The following CFAP44 variants were observed in gnomAD, a reference collection of about 807,000 sequenced individuals.
CFAP44 encodes cilia- and flagella-associated protein 44.
In CFAP44, 134 loss-of-function variants were observed where a neutral mutation model predicts 216.2. The ratio of observed to expected loss-of-function variants is 0.62; its 90% CI spans 0.54 to 0.72. CFAP44 has a LOEUF of 0.72. Ranked by LOEUF, CFAP44 falls within the 30% of genes least tolerant of loss-of-function variation. The probability of loss-of-function intolerance (pLI) is 0.00; values close to 1 mark genes in which losing one functional copy is unlikely to be tolerated. For synonymous variants in CFAP44, 700 were observed against 727.6 expected (o/e 0.96, Z 0.61); for missense variants, 2,035 against 2,182.1 (o/e 0.93, Z 1.34).
intron 21 of CFAP44, chr3:113,362,870 G>T: frequency 1.7e-6 from 2 of 1,174,964 alleles, no homozygotes; most frequent in Non-Finnish European, 2.1e-6. Context: ...GAACTCTTGG[G>T]TTCTACTTTA....
intron 33 of CFAP44, among the ~76,000 whole-genome samples, chr3:113,295,994 C>G (rs1370270532): frequency 6.6e-6 from 1 of 152,142 alleles, no homozygotes; most frequent in Non-Finnish European, 1.5e-5. Context: ...TTCTAGCAGA[C>G]CCATCACCAG....
At chr3:113,439,985 T>C (rs1935323866) in intron 1 of CFAP44, among the ~76,000 whole-genome samples, 1 of 152,204 alleles carries the variant, frequency 6.6e-6, no homozygotes, top group African/African-American at 2.4e-5. Context: ...ATGTGTCAAG[T>C]ACAGTTCTAA....
intron 28 of CFAP44, among the ~76,000 whole-genome samples, chr3:113,322,592 G>C: frequency 6.6e-6 from 1 of 152,144 alleles, no homozygotes; most frequent in Non-Finnish European, 1.5e-5. Flanking sequence ...AAAGAGGCTG[G>C]TGAGGCTATG....
intron 18 of CFAP44, among the ~76,000 whole-genome samples, chr3:113,367,923 A>G (rs1014892562): frequency 6.6e-6 from 1 of 152,240 alleles, no homozygotes; most frequent in Non-Finnish European, 1.5e-5. Flanking sequence ...AAACCACAGG[A>G]CGAGAACTTC....
At chr3:113,345,762 C>T (rs889856785) in intron 22 of CFAP44, among the ~76,000 whole-genome samples, 1 of 152,138 alleles carries the variant, frequency 6.6e-6, no homozygotes, top group Non-Finnish European at 1.5e-5. Flanking sequence ...ATCACACACA[C>T]ACAAACAAGC....
At chr3:113,341,980 TG>T in intron 23 of CFAP44, 62 bp from the exon 24 acceptor site, 1 of 1,459,568 alleles carries the variant, frequency 6.9e-7, no homozygotes, top group Middle Eastern at 1.9e-4. Context: ...TCTCAGATAT[TG>T]TTTTTAACCT....
At position 113,327,740 on chromosome 3, in the gene CFAP44, T is replaced by G. The variant is rs1205254267; in HGVS notation, c.4196A>C (p.Lys1399Thr). The G allele has an allele frequency of 6.5e-7, 1 of 1,536,860 alleles. No homozygotes were observed. The change falls in exon 27 of 35, where the codon AAA (lysine) becomes ACA (threonine). Residue 1399 changes from lysine to threonine, a missense_variant. Physicochemically the swap from Lys to Thr is moderately conservative, Grantham distance 78 (BLOSUM62 -1). Around this residue, in one of 3 missense-constraint regions of CFAP44, gnomAD observed 1,883 missense variants for 2,023.7 expected, o/e 0.93. Transcript: ENST00000393845. ...GGTGACATGGTGCAGGTCAGATAAT[T>G]TCATCTGAGTATCTAGTTTTAGTTT... ...HQKLKLDTQMKLSDLHHVTLF... is the reference protein window; with the variant it reads ...HQKLKLDTQMTLSDLHHVTLF...
intron 18 of CFAP44, among the ~76,000 whole-genome samples, chr3:113,369,433 A>G (rs1422559176): frequency 1.3e-5 from 2 of 152,190 alleles, no homozygotes; most frequent in African/African-American, 4.8e-5. Context: ...CTCACTCAAA[A>G]CTGCACAACT....
At position 113,395,810 on chromosome 3, in the gene CFAP44, C is replaced by A; in HGVS notation, c.1830G>T (p.Pro610=). The A allele has an allele frequency of 1.2e-6, 2 of 1,613,782 alleles. No homozygotes were observed. Among genetic ancestry groups the A allele is most frequent in the Non-Finnish European group, 1.7e-6 (2 of 1,179,862 alleles). The stretch of plus-strand genomic sequence containing the variant: ...GTCCAGGAGTATTAATATAACCAAT[C>A]GGCTTATAATCCCTTTCCACTTCAA... ...FFFEVERDYK[P]IGYINTPGPV... is the part of the protein sequence containing the mutation. Residue 610 remains proline, a synonymous_variant, in exon 15 of 35, where the codon CCG becomes CCT. Transcript: ENST00000393845.
chr3:113,344,108 C>T (rs1950359481), intron 23 of CFAP44, among the ~76,000 whole-genome samples: 2 of 152,162 alleles, frequency 1.3e-5, no homozygotes, highest in Non-Finnish European at 2.9e-5. Context: ...TTTAGCCCTA[C>T]ACTTTGGAAT....
At position 113,306,304 on chromosome 3, in the gene CFAP44, G is replaced by C; in HGVS notation, c.4655C>G (p.Ala1552Gly). 2.6e-6 allele frequency: 4 copies of C among 1,535,966 alleles called. No individual in the cohort carries two copies. Among genetic ancestry groups the C allele is most frequent in the Non-Finnish European group, 3.5e-6 (4 of 1,146,548 alleles). The change falls in exon 30 of 35, where the codon GCC (alanine) becomes GGC (glycine). Residue 1552 changes from alanine to glycine, a missense_variant. Ala to Gly is a moderately conservative substitution (Grantham distance 60, BLOSUM62 0). Transcript: ENST00000393845. ...CAGCCTTTTCTCTCGAAGGTGAAGG[G>C]CCAGCTCAAAAAGAGCCACATCACA... ...TNCDVALFEL[A>G]LHLREKRLDI...
chr3:113,399,542 A>C (rs1934086350), intron 13 of CFAP44, among the ~76,000 whole-genome samples: 1 of 144,438 alleles, frequency 6.9e-6, no homozygotes, highest in Admixed American at 6.8e-5. Context: ...ATTCACTGCT[A>C]TATTCCCAGA....
In CFAP44 at chr3:113,424,974, G is replaced by A. The variant is rs141525635; in HGVS notation, c.407+1150C>T. On this transcript the variant is annotated intron_variant, in intron 4 of 34. Transcript: ENST00000393845. ...ACAAAGAACTAGCACAGTAGGTCCC[G>A]GAAGGCATCAGAGCATTGTGTACTT... Among the ~76,000 whole-genome samples the A allele has an allele frequency of 1.5e-4, 23 of 152,214 alleles. No individual in the cohort carries two copies. The East Asian group carries it at 1.5e-3, about 10-fold the overall frequency.
chr3:113,296,993 G>T (rs1949888153), intron 32 of CFAP44, 108 bp from the exon 33 acceptor site: 2 of 1,265,718 alleles, frequency 1.6e-6, no homozygotes, highest in Non-Finnish European at 2.2e-6. Context: ...GATGATGAAA[G>T]ATTTTATGCC....
chr3:113,318,347 C>T (rs529898954), intron 28 of CFAP44, among the ~76,000 whole-genome samples: 119 of 152,122 alleles, frequency 7.8e-4, no homozygotes, highest in Non-Finnish European at 1.1e-3. Context: ...AATCTCAGTT[C>T]GAGGAATGCT....
intron 21 of CFAP44, 81 bp downstream of exon 21, chr3:113,363,064 T>C: frequency 7.0e-7 from 1 of 1,420,820 alleles, no homozygotes. Context: ...ATTTTAAGTG[T>C]TTCTACTTGT....
intron 3 of CFAP44, chr3:113,426,581 C>A: frequency 3.7e-6 from 1 of 267,404 alleles, no homozygotes; most frequent in East Asian, 7.7e-5. Context: ...CTGAGGCCTC[C>A]CCAGCCATGC....
At chr3:113,343,300 T>C (rs1950352404) in intron 23 of CFAP44, among the ~76,000 whole-genome samples, 2 of 152,176 alleles carry the variant, frequency 1.3e-5, no homozygotes, top group East Asian at 3.9e-4. Context: ...TGACCTCAAG[T>C]GATTCACCTG....
intron 2 of CFAP44, chr3:113,428,933 T>A (rs138842815): frequency 6.6e-6 from 1 of 152,310 alleles, no homozygotes; most frequent in African/African-American, 2.4e-5. Flanking sequence ...CCTCTCCAGC[T>A]ATCTGAGAGA....
Sources: allele counts gnomAD v4.1 joint callset (sites outside exome capture counted in the v4.1 genomes callset), GRCh38; gene constraint gnomAD v4.1.1; regional missense constraint gnomAD v4.1.1; transcripts MANE v1.5; gene names NCBI Gene and HGNC (gene_info 2026-07-23, HGNC 2026-07-21).